The following ANKHD1 variants were observed in gnomAD, a reference collection of about 807,000 sequenced individuals.
ANKHD1 encodes ankyrin repeat and KH domain containing 1.
ANKHD1 carries 31 observed loss-of-function variants against 230.5 expected under a neutral mutation model. That is an observed-to-expected ratio of 0.13 (90% CI 0.10 to 0.18). The LOEUF is 0.18. Among genes scored for constraint, ANKHD1 ranks in the 10% least tolerant of loss-of-function variants. ANKHD1 has a pLI of 1.00. For synonymous variants in ANKHD1, 1,074 were observed against 1,117.6 expected (o/e 0.96, Z 0.78); for missense variants, 2,256 against 3,071.3 (o/e 0.73, Z 6.27).
At chr5:140,472,335 G>A in intron 10 of ANKHD1, 1 of 1,608,306 alleles carries the variant, frequency 6.2e-7, no homozygotes, top group Non-Finnish European at 8.5e-7. Context: ...ACTACGTAAA[G>A]AATAGATGTT....
At chr5:140,535,046 C>T (rs1358257158) in intron 29 of ANKHD1, among the ~76,000 whole-genome samples, 1 of 152,128 alleles carries the variant, frequency 6.6e-6, no homozygotes, top group African/African-American at 2.4e-5. Flanking sequence ...ATTTCATATC[C>T]CCTCCAGTTA....
At chr5:140,519,220 A>G (rs1039222248) in intron 24 of ANKHD1, among the ~76,000 whole-genome samples, 2 of 152,190 alleles carry the variant, frequency 1.3e-5, no homozygotes, top group African/African-American at 2.4e-5. Context: ...CCAACTTACA[A>G]GGGATGTAAA....
At chr5:140,402,341 C>G (rs1166640958) in intron 1 of ANKHD1, 68 bp downstream of exon 1, 1 of 1,382,952 alleles carries the variant, frequency 7.2e-7, no homozygotes, top group Non-Finnish European at 9.3e-7. Flanking sequence ...AGGCTCTGGG[C>G]CGGGGCCATC....
chr5:140,507,813 C>T lies in ANKHD1; in HGVS notation c.3580C>T (p.Leu1194=), dbSNP rs746190740. Residue 1194 remains leucine, a synonymous_variant, in exon 20 of 34, where the codon CTG becomes TTG. Transcript: ENST00000360839. The surrounding 1 kb of genome is among the most constrained non-coding windows in gnomAD (Gnocchi z 4.1). ...TGGGAGTAAACTAGGTATTTCTCCC[C>T]TGATGTTGGCTGCAATGAATGGACA... The part of the protein sequence containing the change: ...RTGSKLGISP[L]MLAAMNGHVP... 1 of 1,614,056 alleles carries T rather than the reference C, an allele frequency of 6.2e-7. No homozygotes were observed. The highest frequency in any genetic ancestry group is 1.7e-5 in the Admixed American group (1 of 60,000).
At chr5:140,520,834 G>A (rs566480855) in intron 24 of ANKHD1, among the ~76,000 whole-genome samples, 125 of 149,408 alleles carry the variant, frequency 8.4e-4, no homozygotes, top group Admixed American at 4.0e-3. Flanking sequence ...AATGCTAGAT[G>A]ACGAGTTAAT....
chr5:140,532,294 A>G (rs542325305), intron 29 of ANKHD1, among the ~76,000 whole-genome samples: 2 of 152,198 alleles, frequency 1.3e-5, no homozygotes, highest in African/African-American at 4.8e-5. Context: ...AGCCAGTCAC[A>G]AAAGACCAGA....
rs571090919 is a variant in ANKHD1, at chr5:140,480,478, G to A, written c.1783-2102G>A. Reference sequence around the variant, plus strand: ...TTGAAATGTCTTTGCCATGACTCACGGGACCTAATTATGTTGATATGACCT... The same window carrying A: ...TTGAAATGTCTTTGCCATGACTCACAGGACCTAATTATGTTGATATGACCT... On this transcript the variant is annotated intron_variant, in intron 10 of 33. Coordinates refer to ENST00000360839, the MANE Select transcript of ANKHD1 (RefSeq NM_017747.3). 1.1e-4 allele frequency among the ~76,000 whole-genome samples: 16 copies of A among 152,052 alleles called. No homozygotes were observed. The East Asian group carries it at 1.7e-3, about 17-fold the overall frequency.
intron 9 of ANKHD1, among the ~76,000 whole-genome samples, chr5:140,461,487 A>G (rs766007303): frequency 1.6e-4 from 25 of 152,196 alleles, no homozygotes; most frequent in Non-Finnish European, 1.3e-4. Context: ...TAAGGCCTAT[A>G]CAATTAAAAC....
In ANKHD1 at chr5:140,401,906, G is replaced by T. The variant is rs765621673; in HGVS notation, c.-62G>T. 4.0e-6 allele frequency: 6 copies of T among 1,511,138 alleles called. No individual in the cohort carries two copies. In the Admixed American group the frequency reaches 7.1e-5, roughly 18 times the overall value. 93.6% of individuals were successfully genotyped at this position (1,511,138 alleles called of 1,614,324 possible). ...TCCTCTTGCTGCTCTTCTCGTTCCC[G>T]AGATCAGCGGCGGCGGTGACCGCGA... is the stretch of plus-strand genomic sequence containing the variant. On this transcript the variant is annotated 5_prime_UTR_variant, in exon 1 of 34. Transcript: ENST00000360839.
intron 10 of ANKHD1, among the ~76,000 whole-genome samples, chr5:140,470,228 G>C (rs1425511565): frequency 1.3e-5 from 2 of 151,184 alleles, no homozygotes; most frequent in African/African-American, 4.9e-5. Context: ...ATTTCATCAG[G>C]ATGTATCTTG....
chr5:140,524,954 T>A (rs1235432613), intron 25 of ANKHD1: 3 of 350,386 alleles, frequency 8.6e-6, no homozygotes. Flanking sequence ...AAAAAAAAAT[T>A]ACAAAATTAG....
intron 2 of ANKHD1, among the ~76,000 whole-genome samples, chr5:140,437,180 T>A (rs1398055826): frequency 6.6e-6 from 1 of 152,238 alleles, no homozygotes; most frequent in Non-Finnish European, 1.5e-5. Context: ...TCCATGACAG[T>A]TTATGTTGAT....
rs776769223 is a variant in ANKHD1 at position 140,505,275 on chromosome 5, A to G, written c.3262+42A>G. 6 of 1,602,296 alleles carry G rather than the reference A, an allele frequency of 3.7e-6. No individual in the cohort carries two copies. In the Admixed American group the frequency reaches 1.0e-4, roughly 27 times the overall value. On this transcript the variant is annotated intron_variant, in intron 17 of 33. Transcript: ENST00000360839. Reference sequence around the variant, plus strand: ...AATAAAATCCAAGTGTAGTTACATCAGAAAATAATTAACTTTTTTATTATT... The same window carrying G: ...AATAAAATCCAAGTGTAGTTACATCGGAAAATAATTAACTTTTTTATTATT...
At chr5:140,513,192 T>G (rs1752840350) in intron 23 of ANKHD1, among the ~76,000 whole-genome samples, 171 bp from the exon 24 acceptor site, 1 of 152,238 alleles carries the variant, frequency 6.6e-6, no homozygotes, top group Non-Finnish European at 1.5e-5. Context: ...TGCAGGTTTT[T>G]AGGGAAATGG....
intron 14 of ANKHD1, among the ~76,000 whole-genome samples, chr5:140,491,162 T>TATATATATATATA (rs1325293558): frequency 2.7e-5 from 2 of 74,950 alleles, no homozygotes; most frequent in East Asian, 8.1e-4. Flanking sequence ...ATATATATAT[T>TATATATATATATA]TTTTTTTTTT....
chr5:140,420,958 G>T (rs1198027955), intron 1 of ANKHD1, among the ~76,000 whole-genome samples: 2 of 152,148 alleles, frequency 1.3e-5, no homozygotes, highest in Admixed American at 1.3e-4. Context: ...TCTAGCTCTT[G>T]AAATTTCTGT....
intron 7 of ANKHD1, among the ~76,000 whole-genome samples, chr5:140,449,691 G>A (rs542463963): frequency 3.9e-5 from 6 of 151,994 alleles, no homozygotes; most frequent in African/African-American, 1.2e-4. Flanking sequence ...TTATTAATTG[G>A]TGTTGGGTTT....
At chr5:140,428,733 CTCTT>C (rs1208908709) in intron 1 of ANKHD1, among the ~76,000 whole-genome samples, 4 of 152,096 alleles carry the variant, frequency 2.6e-5, no homozygotes, top group African/African-American at 9.7e-5. Flanking sequence ...GTGGTGATGA[CTCTT>C]TGTTTTGTTT....
Position 140,528,181 on chromosome 5 carries a change from T to C in ANKHD1, c.5238-3T>C, listed in dbSNP as rs1209520868. ...CTTGTTTCTGTTTTTTTTTTTCCCT[T>C]AGGGGTGGCACAGAATCAACAAGAT... On this transcript the variant is annotated splice_polypyrimidine_tract_variant and splice_region_variant and intron_variant, in intron 28 of 33. Transcript: ENST00000360839. The C allele has an allele frequency of 1.0e-5, 16 of 1,588,718 alleles. No homozygotes were observed. Among genetic ancestry groups the C allele is most frequent in the Non-Finnish European group, 1.3e-5 (15 of 1,169,798 alleles).
Sources: gnomAD v4.1 joint callset for allele counts (sites outside exome capture counted in the v4.1 genomes callset) on GRCh38, gnomAD v4.1.1 for gene constraint, Gnocchi (gnomAD v3.1) non-coding constraint, MANE v1.5 for transcripts, NCBI Gene and HGNC (gene_info 2026-07-23, HGNC 2026-07-21) for gene names.